The following SEC14L5 variants were observed in gnomAD, a reference collection of about 807,000 sequenced individuals.
SEC14L5 encodes SEC14 like lipid binding 5.
SEC14L5 carries 96 observed loss-of-function variants against 84.6 expected under a neutral mutation model. The ratio of observed to expected loss-of-function variants is 1.13; its 90% CI spans 0.96 to 1.34. The LOEUF (loss-of-function observed/expected upper bound fraction) is 1.34, where lower values mean the gene tolerates loss of function less well. Ranked by LOEUF, SEC14L5 falls within the 40% of genes most tolerant of loss-of-function variation. The probability of loss-of-function intolerance (pLI) is 0.00; values close to 1 mark genes in which losing one functional copy is unlikely to be tolerated. For missense variants in SEC14L5, 1,224 were observed against 942.5 expected, an observed-to-expected ratio of 1.30 and a Z score of -3.91; for synonymous variants, 546 against 383.4, an observed-to-expected ratio of 1.42 and a Z score of -4.95.
chr16:4,960,395 CA>C (rs1312476086), intron 2 of SEC14L5, among the ~76,000 whole-genome samples: 1 of 152,108 alleles, frequency 6.6e-6, no homozygotes, highest in East Asian at 1.9e-4. Context: ...CCATCTGTCC[CA>C]CCCCAGCACT....
chr16:4,997,081 T>G, intron 8 of SEC14L5, 37 bp downstream of exon 8: 1 of 1,483,526 alleles, frequency 6.7e-7, no homozygotes, highest in South Asian at 1.3e-5. Flanking sequence ...TAGGGCATAC[T>G]TTGGTCACTG....
Position 5,015,423 on chromosome 16 carries a change from T to A in SEC14L5, c.*453T>A, listed in dbSNP as rs1417556556. The A allele has an allele frequency of 6.2e-6, 1 of 162,074 alleles. No individual in the cohort carries two copies. The highest frequency in any genetic ancestry group is 2.4e-5 in the African/African-American group (1 of 41,772). The allele number at this position is 162,074 out of a possible 1,614,324, so 10.0% of individuals were successfully genotyped here. A position where few individuals can be genotyped will look rare whatever the true frequency, so the allele number is the denominator to read the frequency against. On this transcript the variant is annotated 3_prime_UTR_variant, in exon 16 of 16. Coordinates refer to ENST00000251170, the MANE Select transcript of SEC14L5 (RefSeq NM_014692.2). ...CAGCCCACTTCCCAGAGCTGAGTCT[T>A]AGCCTGGAAGGGGGAGCGATTGCCA...
chr16:4,990,797 T>C lies in SEC14L5; in HGVS notation c.376T>C (p.Phe126Leu). 1 of 1,611,966 alleles carries C rather than the reference T, an allele frequency of 6.2e-7. No homozygotes were observed. Among genetic ancestry groups the C allele is most frequent in the Non-Finnish European group, 8.5e-7 (1 of 1,178,930 alleles). The change falls in exon 5 of 16, where the codon TTC (phenylalanine) becomes CTC (leucine). Residue 126 changes from phenylalanine to leucine, a missense_variant. Coordinates refer to ENST00000251170, the MANE Select transcript of SEC14L5 (RefSeq NM_014692.2). ...CCCTGAGAATGAAGACTGGACTTGC[T>C]TCGAGCAGTCTGCCTCACTGGACAT... ...VHPENEDWTC[F>L]EQSASLDIRS... is the part of the protein sequence containing the mutation.
At chr16:4,976,544 G>C (rs1299602658) in intron 2 of SEC14L5, among the ~76,000 whole-genome samples, 1 of 152,196 alleles carries the variant, frequency 6.6e-6, no homozygotes, top group Non-Finnish European at 1.5e-5. Context: ...AATGAAAGAG[G>C]GGTTACCCAG....
rs1032406730 is a variant in SEC14L5 at position 4,992,164 on chromosome 16, C to T, written c.667+134C>T. 78 of 568,066 alleles carry T rather than the reference C, an allele frequency of 1.4e-4. 1 individual carries two copies. In the East Asian group the frequency reaches 2.4e-3, roughly 17 times the overall value. 35.2% of individuals were successfully genotyped at this position (568,066 alleles called of 1,614,324 possible). A position where few individuals can be genotyped will look rare whatever the true frequency, so the allele number is the denominator to read the frequency against. On this transcript the variant is annotated intron_variant, in intron 6 of 15. Transcript: ENST00000251170. Reference sequence around the variant, plus strand: ...GGAATGGGTCTGGGTCTTGGAACGACACCGCCTCCTGCCTCCACTGAGTGC... The same window carrying T: ...GGAATGGGTCTGGGTCTTGGAACGATACCGCCTCCTGCCTCCACTGAGTGC...
intron 2 of SEC14L5, among the ~76,000 whole-genome samples, chr16:4,972,758 TC>T (rs1318826668): frequency 6.6e-6 from 1 of 152,188 alleles, no homozygotes; most frequent in Admixed American, 6.6e-5. Flanking sequence ...GTGGGTGTTT[TC>T]CCCCTTTTGA....
At chr16:4,973,547 C>T (rs954819063) in intron 2 of SEC14L5, among the ~76,000 whole-genome samples, 3 of 152,208 alleles carry the variant, frequency 2.0e-5, no homozygotes, top group Non-Finnish European at 2.9e-5. Context: ...TACCCCATGG[C>T]ACAGTCTTCA....
chr16:4,999,596 G>C (rs548773181), intron 8 of SEC14L5, among the ~76,000 whole-genome samples: 1 of 151,980 alleles, frequency 6.6e-6, no homozygotes, highest in African/African-American at 2.4e-5. Context: ...CTCCAGCCTG[G>C]GTGACAGAGT....
chr16:5,011,061 C>T (rs374633277), intron 14 of SEC14L5, 34 bp from the exon 15 acceptor site: 31 of 1,557,522 alleles, frequency 2.0e-5, no homozygotes, highest in South Asian at 8.3e-5. Context: ...CTCTGGAGGG[C>T]GCAGGGCCTC....
In SEC14L5 at chr16:5,000,923, C is replaced by T. The variant is rs1212764687; in HGVS notation, c.1128C>T (p.Ile376=). Residue 376 remains isoleucine (I), a splice_region_variant and synonymous_variant, in exon 10 of 16, where the codon ATC becomes ATT. Transcript: ENST00000251170. ...EGSTRQLGRP[I]SSWTCLLDLE... is the part of the protein sequence containing the mutation. ...GCACAAGGCAGCTGGGCCGTCCCAT[C>T]AGGCAAACACCTGGGCTGGGCACAA... 2.5e-6 allele frequency: 4 copies of T among 1,604,502 alleles called. No individual in the cohort carries two copies. Among genetic ancestry groups the T allele is most frequent in the Non-Finnish European group, 3.4e-6 (4 of 1,175,498 alleles).
At position 4,972,863 on chromosome 16, in the gene SEC14L5, C is replaced by T. The variant is rs193150632; in HGVS notation, c.63+13477C>T. On this transcript the variant is annotated intron_variant, in intron 2 of 15. Coordinates refer to ENST00000251170, the MANE Select transcript of SEC14L5 (RefSeq NM_014692.2). ...CTCTTGTCCATTAAGAAAAAATCAA[C>T]AATGTGGTACCTGGCATTGTCCCTT... Among the ~76,000 whole-genome samples the T allele has an allele frequency of 3.3e-5, 5 of 152,314 alleles. No individual in the cohort carries two copies. The East Asian group carries it at 9.6e-4, about 29-fold the overall frequency.
chr16:4,991,136 T>G (rs1392026678), intron 5 of SEC14L5, among the ~76,000 whole-genome samples: 1 of 151,144 alleles, frequency 6.6e-6, no homozygotes, highest in Non-Finnish European at 1.5e-5. Flanking sequence ...TGGTGAATTA[T>G]CTGGACAACA....
At chr16:4,995,178 G>A (rs1955596139) in intron 6 of SEC14L5, among the ~76,000 whole-genome samples, 1 of 152,200 alleles carries the variant, frequency 6.6e-6, no homozygotes, top group African/African-American at 2.4e-5. Context: ...TTAGCCATCT[G>A]TCTACAAAGA....
Position 4,991,894 on chromosome 16 carries a change from C to T in SEC14L5, c.531C>T (p.His177=). 1.2e-6 allele frequency: 2 copies of T among 1,609,892 alleles called. No individual in the cohort carries two copies. Among genetic ancestry groups the T allele is most frequent in the Non-Finnish European group, 1.7e-6 (2 of 1,178,970 alleles). Residue 177 remains histidine (H), a synonymous_variant, in exon 6 of 16, where the codon CAC becomes CAT. Coordinates refer to ENST00000251170, the MANE Select transcript of SEC14L5 (RefSeq NM_014692.2). The part of the protein sequence containing the change: ...LNELISQGTS[H]IPRWTPAPVR... ...AGCTCATCTCCCAGGGTACCTCGCA[C>T]ATTCCGCGCTGGACGCCTGCCCCAG... is the stretch of plus-strand genomic sequence containing the variant.
chr16:4,969,930 A>G (rs1225663071), intron 2 of SEC14L5, among the ~76,000 whole-genome samples: 2 of 148,996 alleles, frequency 1.3e-5, no homozygotes, highest in African/African-American at 5.0e-5. Context: ...CGATTGTCCC[A>G]CCTCAGCCTC....
chr16:4,958,951 G>T (rs1285796124), intron 1 of SEC14L5, among the ~76,000 whole-genome samples: 3 of 151,954 alleles, frequency 2.0e-5, no homozygotes, highest in African/African-American at 7.3e-5. Context: ...AACCGTGGGA[G>T]TGTAAGAATT....
At chr16:5,007,206 TA>T in intron 12 of SEC14L5, 145 bp from the exon 13 acceptor site, 1 of 624,430 alleles carries the variant, frequency 1.6e-6, no homozygotes, top group East Asian at 2.8e-5. Context: ...ACCTGGGGAT[TA>T]AATGGGGTCA....
intron 2 of SEC14L5, among the ~76,000 whole-genome samples, chr16:4,968,885 C>T (rs1322246094): frequency 6.6e-6 from 1 of 152,256 alleles, no homozygotes; most frequent in East Asian, 1.9e-4. Context: ...ATTTAAAGAC[C>T]TGGCCTTGTT....
intron 2 of SEC14L5, among the ~76,000 whole-genome samples, chr16:4,973,329 GC>G (rs1307308046): frequency 6.8e-6 from 1 of 146,314 alleles, no homozygotes; most frequent in Non-Finnish European, 1.5e-5. Flanking sequence ...GCTGGGATGA[GC>G]AGTGGCTTTT....
Sources: allele counts gnomAD v4.1 joint callset (sites outside exome capture counted in the v4.1 genomes callset), GRCh38; gene constraint gnomAD v4.1.1; transcripts MANE v1.5; gene names NCBI Gene and HGNC (gene_info 2026-07-23, HGNC 2026-07-21).